The following ZMYM2 variants were observed in gnomAD, a reference collection of about 807,000 sequenced individuals.
The protein encoded by ZMYM2 is zinc finger MYM-type containing 2.
A neutral mutation model predicts 162.8 loss-of-function variants in ZMYM2; 56 were observed. That is an observed-to-expected ratio of 0.34 (90% CI 0.28 to 0.43). The LOEUF is 0.43. Ranked by LOEUF, ZMYM2 falls within the 20% of genes least tolerant of loss-of-function variation. The probability of loss-of-function intolerance (pLI) is 1.00; values close to 1 mark genes in which losing one functional copy is unlikely to be tolerated. For synonymous variants in ZMYM2, 510 were observed against 541.6 expected (o/e 0.94, Z 0.81); for missense variants, 1,275 against 1,621.8 (o/e 0.79, Z 3.67).
chr13:19,888,992 C>T, the ZMYM2 span, among the ~76,000 whole-genome samples: 2 of 151,954 alleles, frequency 1.3e-5, no homozygotes, highest in Admixed American at 1.3e-4. Flanking sequence ...TCTATAGTGC[C>T]ACCTTCTGTT....
At chr13:19,971,609 A>G (rs978325548) in intron 2 of ZMYM2, among the ~76,000 whole-genome samples, 12 of 152,006 alleles carry the variant, frequency 7.9e-5, no homozygotes, top group African/African-American at 2.9e-4. Flanking sequence ...TCTGGGGAAT[A>G]TAGTAAGTAA....
chr13:20,066,695 CAG>C (rs1956706122), intron 19 of ZMYM2, 154 bp from the exon 20 acceptor site: 1 of 607,014 alleles, frequency 1.6e-6, no homozygotes, highest in Non-Finnish European at 2.5e-6. Context: ...GGCAGGCACA[CAG>C]AAAAACATAC....
the ZMYM2 span, among the ~76,000 whole-genome samples, chr13:19,913,134 G>A: frequency 1.3e-5 from 2 of 152,102 alleles, no homozygotes; most frequent in African/African-American, 2.4e-5. Flanking sequence ...ATGTTATCTG[G>A]AGCCTTTGGC....
At chr13:19,963,006 G>A (rs1362021285) in intron 2 of ZMYM2, among the ~76,000 whole-genome samples, 1 of 151,796 alleles carries the variant, frequency 6.6e-6, no homozygotes, top group Non-Finnish European at 1.5e-5. Flanking sequence ...TTTTAGTAGA[G>A]ATGGGGATTT....
chr13:20,067,754 A>T (rs887051109), intron 21 of ZMYM2, among the ~76,000 whole-genome samples: 1 of 152,194 alleles, frequency 6.6e-6, no homozygotes, highest in Non-Finnish European at 1.5e-5. Flanking sequence ...TGGCTATTTC[A>T]TAAAAAGAGA....
chr13:19,973,458 G>A (rs971089427), intron 2 of ZMYM2, among the ~76,000 whole-genome samples: 4 of 151,736 alleles, frequency 2.6e-5, no homozygotes, highest in Non-Finnish European at 5.9e-5. Context: ...ATCTCCTGAG[G>A]TCAAGAGTTC....
intron 2 of ZMYM2, among the ~76,000 whole-genome samples, chr13:19,964,204 C>T (rs1454326721): frequency 6.6e-6 from 1 of 152,040 alleles, no homozygotes; most frequent in East Asian, 1.9e-4. Flanking sequence ...TGGTGAAACC[C>T]TGTCTCTACT....
At chr13:19,908,117 G>A in the ZMYM2 span, among the ~76,000 whole-genome samples, 11 of 152,160 alleles carry the variant, frequency 7.2e-5, no homozygotes, top group East Asian at 2.1e-3. Flanking sequence ...GCAAAACCCT[G>A]TCTCTGCAAA....
chr13:19,981,820 C>T (rs1293279983), intron 2 of ZMYM2, among the ~76,000 whole-genome samples: 2 of 141,768 alleles, frequency 1.4e-5, no homozygotes, highest in Non-Finnish European at 3.0e-5. Context: ...TATCTTTACT[C>T]AGCTGTCAGG....
At chr13:19,971,580 T>TA (rs1324109797) in intron 2 of ZMYM2, among the ~76,000 whole-genome samples, 1 of 152,044 alleles carries the variant, frequency 6.6e-6, no homozygotes, top group Non-Finnish European at 1.5e-5. Context: ...GATTCATTTT[T>TA]AAGAAGTTCT....
intron 21 of ZMYM2, among the ~76,000 whole-genome samples, chr13:20,074,563 G>T (rs1957346790): frequency 7.0e-6 from 1 of 143,660 alleles, no homozygotes; most frequent in Non-Finnish European, 1.5e-5. Context: ...TTTTGAGACG[G>T]AGTCTTACTC....
chr13:19,895,530 C>G, the ZMYM2 span, among the ~76,000 whole-genome samples: 1 of 152,004 alleles, frequency 6.6e-6, no homozygotes, highest in South Asian at 2.1e-4. Context: ...TGCAGGGCAT[C>G]ACATGGTGAG....
chr13:19,874,418 A>T, the ZMYM2 span, among the ~76,000 whole-genome samples: 1 of 151,974 alleles, frequency 6.6e-6, no homozygotes, highest in Non-Finnish European at 1.5e-5. Context: ...ATTTTTAGAG[A>T]TGGAGGGTCT....
At chr13:19,962,515 A>ATATATATATATATATATATTTT (rs1371972440) in intron 2 of ZMYM2, among the ~76,000 whole-genome samples, 1 of 38,914 alleles carries the variant, frequency 2.6e-5, no homozygotes, top group African/African-American at 6.4e-5. Flanking sequence ...ATATATATAT[A>ATATATATATATATATATATTTT]TTTTTTTTTT....
intron 6 of ZMYM2, among the ~76,000 whole-genome samples, chr13:20,019,151 G>A (rs1951868126): frequency 6.6e-6 from 1 of 151,204 alleles, no homozygotes; most frequent in African/African-American, 2.4e-5. Context: ...GGTGGAAATT[G>A]TAGCTGTATA....
intron 2 of ZMYM2, among the ~76,000 whole-genome samples, chr13:19,984,453 C>T (rs986931361): frequency 1.3e-5 from 2 of 152,148 alleles, no homozygotes; most frequent in Admixed American, 6.5e-5. Flanking sequence ...TAGGAGTGTG[C>T]TAAGTGGTTT....
At chr13:19,965,751 CCT>C (rs1478584041) in intron 2 of ZMYM2, among the ~76,000 whole-genome samples, 3 of 150,284 alleles carry the variant, frequency 2.0e-5, no homozygotes, top group Admixed American at 2.0e-4. Flanking sequence ...TATTTCTGGC[CCT>C]GATATGGTAT....
chr13:19,911,005 C>A, the ZMYM2 span, among the ~76,000 whole-genome samples: 3 of 148,978 alleles, frequency 2.0e-5, no homozygotes, highest in Admixed American at 2.0e-4. Context: ...TAACCTGAAT[C>A]ATAAAAACAG....
chr13:19,955,233 AT>A (rs1480727344), upstream of ZMYM2, among the ~76,000 whole-genome samples: 3 of 152,084 alleles, frequency 2.0e-5, no homozygotes, highest in East Asian at 3.9e-4. Flanking sequence ...GAATATTATA[AT>A]TTTTTTCTAA....
Sources: allele counts gnomAD v4.1 joint callset (sites outside exome capture counted in the v4.1 genomes callset), GRCh38; gene constraint gnomAD v4.1.1; transcripts MANE v1.5; gene names NCBI Gene and HGNC (gene_info 2026-07-23, HGNC 2026-07-21).